Variants in TRPS1 observed in about 807,000 individuals in gnomAD.
TRPS1 encodes the protein zinc finger transcription factor Trps1.
Under a neutral mutation model 101.2 loss-of-function variants are expected in TRPS1, and 6 were observed. The ratio of observed to expected loss-of-function variants is 0.06; its 90% CI spans 0.03 to 0.12. TRPS1 has a LOEUF of 0.12. Ranked by LOEUF, TRPS1 falls within the 10% of genes least tolerant of loss-of-function variation. The pLI, the probability that TRPS1 is intolerant of heterozygous loss-of-function variation, is 1.00. For synonymous variants in TRPS1, 578 were observed against 589.8 expected, an observed-to-expected ratio of 0.98 and a Z score of 0.29; for missense variants, 1,363 against 1,567.0, an observed-to-expected ratio of 0.87 and a Z score of 2.20.
intron 5 of TRPS1, among the ~76,000 whole-genome samples, chr8:115,577,072 G>T (rs1817335604): frequency 6.6e-6 from 1 of 152,036 alleles, no homozygotes; most frequent in Non-Finnish European, 1.5e-5. Flanking sequence ...CTAAAATATA[G>T]CCAGTATTGC....
At chr8:115,536,454 C>T (rs947111374) in intron 5 of TRPS1, among the ~76,000 whole-genome samples, 7 of 139,186 alleles carry the variant, frequency 5.0e-5, no homozygotes, top group Non-Finnish European at 7.5e-5. Flanking sequence ...ACCCGGGAGG[C>T]GGAGCTTGCA....
At chr8:115,526,312 AAAAG>A (rs754014681) in intron 5 of TRPS1, among the ~76,000 whole-genome samples, 1 of 152,164 alleles carries the variant, frequency 6.6e-6, no homozygotes, top group Non-Finnish European at 1.5e-5. Context: ...TGTCTCAAAA[AAAAG>A]AAAGGAGATA....
In TRPS1 at chr8:115,587,002, C is replaced by G. The variant is rs2130443054; in HGVS notation, c.2699G>C (p.Arg900Pro). The change falls in exon 5 of 7, where the codon CGG (arginine) becomes CCG (proline). Residue 900 changes from arginine to proline, a missense_variant and splice_region_variant. Coordinates refer to ENST00000395715, the MANE Select transcript of TRPS1 (RefSeq NM_014112.5). Reference sequence around the variant, plus strand: ...TATTTAAAAATGAAACCATCCTACCCGTAACAGGGACTGGGATTCATCCTT... The same window carrying G: ...TATTTAAAAATGAAACCATCCTACCGGTAACAGGGACTGGGATTCATCCTT... ...KSKDESQSLLRRRRGSGVFCA... is the reference protein window; with the variant it reads ...KSKDESQSLLPRRRGSGVFCA... 2 of 1,614,164 alleles carry G rather than the reference C, an allele frequency of 1.2e-6. No homozygotes were observed. The highest frequency in any genetic ancestry group is 8.5e-7 in the Non-Finnish European group (1 of 1,180,030).
At chr8:115,432,819 T>G (rs921159028) in intron 5 of TRPS1, among the ~76,000 whole-genome samples, 1 of 152,018 alleles carries the variant, frequency 6.6e-6, no homozygotes. Context: ...CTTTCAGGAT[T>G]TGACCTTCCT....
intron 1 of TRPS1, among the ~76,000 whole-genome samples, chr8:115,634,660 G>C (rs1173864256): frequency 2.6e-5 from 4 of 152,016 alleles, no homozygotes; most frequent in African/African-American, 9.7e-5. Flanking sequence ...GTGCTATTCA[G>C]AAAATACAAT....
intron 5 of TRPS1, among the ~76,000 whole-genome samples, chr8:115,551,032 C>T (rs555216545): frequency 6.6e-6 from 1 of 152,256 alleles, no homozygotes; most frequent in South Asian, 2.1e-4. Flanking sequence ...AAGACTCCAG[C>T]CTTCACTCTG....
chr8:115,667,540 C>A (rs569029376), intron 1 of TRPS1, among the ~76,000 whole-genome samples: 2 of 152,182 alleles, frequency 1.3e-5, no homozygotes, highest in Admixed American at 6.5e-5. Context: ...CTGACCCGCG[C>A]GACACATGGC....
chr8:115,577,436 C>T (rs1198807450), intron 5 of TRPS1, among the ~76,000 whole-genome samples: 2 of 152,010 alleles, frequency 1.3e-5, no homozygotes, highest in Admixed American at 6.6e-5. Context: ...ATTCTTGCCC[C>T]TGCTTCTTCA....
chr8:115,509,449 G>T lies in TRPS1; in HGVS notation c.2700+77552C>A, dbSNP rs1014006593. On this transcript the variant is annotated intron_variant, in intron 5 of 6. Transcript: ENST00000395715. Reference sequence around the variant, plus strand: ...TGAATATCTCAGGAATAATCAGTGAGTGTGGCACATGGCAGGTGAAATATG... The same window carrying T: ...TGAATATCTCAGGAATAATCAGTGATTGTGGCACATGGCAGGTGAAATATG... Among the ~76,000 whole-genome samples the T allele has an allele frequency of 3.9e-5, 6 of 152,060 alleles. No individual in the cohort carries two copies. In the South Asian group the frequency reaches 1.2e-3, roughly 31 times the overall value.
At chr8:115,633,719 TA>T (rs1818702598) in intron 1 of TRPS1, among the ~76,000 whole-genome samples, 2 of 152,158 alleles carry the variant, frequency 1.3e-5, no homozygotes, top group African/African-American at 4.8e-5. Flanking sequence ...TTCATGTATC[TA>T]AAATTCTGAA....
chr8:115,417,896 C>T (rs777619840), intron 6 of TRPS1, among the ~76,000 whole-genome samples: 13 of 152,092 alleles, frequency 8.5e-5, no homozygotes, highest in Non-Finnish European at 1.9e-4. Context: ...TTGTGAATTC[C>T]GAAGGTAAAC....
chr8:115,565,728 A>G (rs926793023), intron 5 of TRPS1, among the ~76,000 whole-genome samples: 3 of 152,114 alleles, frequency 2.0e-5, no homozygotes, highest in African/African-American at 7.2e-5. Context: ...AAGTGATTCT[A>G]AGAGTAAAAG....
intron 4 of TRPS1, among the ~76,000 whole-genome samples, chr8:115,591,348 TA>T (rs1372077945): frequency 6.6e-6 from 1 of 152,196 alleles, no homozygotes; most frequent in Non-Finnish European, 1.5e-5. Flanking sequence ...GATGAAGGAA[TA>T]GGGGTCGCTT....
At chr8:115,486,411 G>A (rs1183896544) in intron 5 of TRPS1, among the ~76,000 whole-genome samples, 1 of 152,102 alleles carries the variant, frequency 6.6e-6, no homozygotes. Flanking sequence ...CCCTACAGTA[G>A]CCTTTAAGTG....
chr8:115,592,933 G>A (rs548903211), intron 4 of TRPS1, among the ~76,000 whole-genome samples: 13 of 152,004 alleles, frequency 8.6e-5, no homozygotes, highest in Non-Finnish European at 1.6e-4. Flanking sequence ...GGCTTGGAGT[G>A]TACTCTTAAT....
intron 5 of TRPS1, among the ~76,000 whole-genome samples, chr8:115,537,302 A>T (rs1299016280): frequency 6.6e-6 from 1 of 152,198 alleles, no homozygotes; most frequent in Non-Finnish European, 1.5e-5. Context: ...TGTTTACTAT[A>T]TTGTGTTAAA....
At chr8:115,556,529 T>G (rs544559759) in intron 5 of TRPS1, among the ~76,000 whole-genome samples, 19 of 152,304 alleles carry the variant, frequency 1.2e-4, no homozygotes, top group Non-Finnish European at 2.4e-4. Flanking sequence ...TTGATATTCA[T>G]ATGGTATACT....
chr8:115,579,662 A>T (rs770714181), intron 5 of TRPS1, among the ~76,000 whole-genome samples: 1 of 152,104 alleles, frequency 6.6e-6, no homozygotes, highest in Non-Finnish European at 1.5e-5. Context: ...TGCCTTTAAA[A>T]ATAGATATCT....
intron 4 of TRPS1, among the ~76,000 whole-genome samples, chr8:115,591,069 G>GT (rs1464203692): frequency 6.6e-6 from 1 of 152,056 alleles, no homozygotes; most frequent in African/African-American, 2.4e-5. Flanking sequence ...ATCTAGCGGC[G>GT]TTTAATGACA....
Sources: allele counts gnomAD v4.1 joint callset (sites outside exome capture counted in the v4.1 genomes callset), GRCh38; gene constraint gnomAD v4.1.1; transcripts MANE v1.5; gene names NCBI Gene and HGNC (gene_info 2026-07-23, HGNC 2026-07-21).